The following ZRANB3 variants were observed in gnomAD, a reference collection of about 807,000 sequenced individuals.
The protein encoded by ZRANB3 is DNA annealing helicase and endonuclease ZRANB3.
A neutral mutation model predicts 133.8 loss-of-function variants in ZRANB3; 125 were observed. That is an observed-to-expected ratio of 0.93 (90% CI 0.81 to 1.08). The LOEUF (loss-of-function observed/expected upper bound fraction) is 1.08, where lower values mean the gene tolerates loss of function less well. Among genes scored for constraint, ZRANB3 ranks in the 50% least tolerant of loss-of-function variants. The probability of loss-of-function intolerance (pLI) is 0.00; values close to 1 mark genes in which losing one functional copy is unlikely to be tolerated. For synonymous variants in ZRANB3, 387 were observed against 432.7 expected, an observed-to-expected ratio of 0.89 and a Z score of 1.31; for missense variants, 1,229 against 1,275.5, an observed-to-expected ratio of 0.96 and a Z score of 0.56.
At chr2:135,275,792 A>G (rs749437668) in intron 8 of ZRANB3, 37 bp from the exon 9 acceptor site, 6 of 1,430,478 alleles carry the variant, frequency 4.2e-6, no homozygotes, top group Non-Finnish European at 5.6e-6. Flanking sequence ...AGTGTCATAA[A>G]AATGATTATT....
rs1694834439 is a variant in ZRANB3 at position 135,228,184 on chromosome 2, G to T, written c.1955-169C>A. 8.9e-6 allele frequency: 5 copies of T among 559,096 alleles called. No homozygotes were observed. In the Middle Eastern group the frequency reaches 1.5e-3, roughly 164 times the overall value. The allele number at this position is 559,096 out of a possible 1,614,324, so 34.6% of individuals were successfully genotyped here. A position where few individuals can be genotyped will look rare whatever the true frequency, so the allele number is the denominator to read the frequency against. On this transcript the variant is annotated intron_variant, in intron 13 of 20. Coordinates refer to ENST00000264159, the MANE Select transcript of ZRANB3 (RefSeq NM_032143.4). ...ACCCAGTACTATTCTAGATGCTGAA[G>T]AGACAGCAGGAACAGGACAGAGAAA... is the stretch of plus-strand genomic sequence containing the variant.
intron 12 of ZRANB3, among the ~76,000 whole-genome samples, chr2:135,264,482 A>G (rs1680123522): frequency 1.3e-5 from 2 of 151,766 alleles, no homozygotes; most frequent in South Asian, 2.1e-4. Context: ...AAAAAAAAAA[A>G]AAAAAGAAAA....
chr2:135,252,288 CCT>C (rs1388054435), intron 12 of ZRANB3, among the ~76,000 whole-genome samples: 1 of 152,038 alleles, frequency 6.6e-6, no homozygotes, highest in East Asian at 1.9e-4. Context: ...ACAACAAACC[CCT>C]GTGACACATG....
chr2:135,458,781 T>C (rs1428554266), intron 2 of ZRANB3, among the ~76,000 whole-genome samples: 1 of 152,132 alleles, frequency 6.6e-6, no homozygotes, highest in Non-Finnish European at 1.5e-5. Flanking sequence ...TATTTTTAAA[T>C]TGAGTTGTAG....
At chr2:135,340,408 C>T (rs1355802956) in intron 6 of ZRANB3, among the ~76,000 whole-genome samples, 2 of 151,940 alleles carry the variant, frequency 1.3e-5, no homozygotes, top group Non-Finnish European at 2.9e-5. Flanking sequence ...GCCCAACCCC[C>T]TTTTTTTAAT....
chr2:135,249,099 A>G (rs1349076436), intron 12 of ZRANB3, among the ~76,000 whole-genome samples: 1 of 152,232 alleles, frequency 6.6e-6, no homozygotes, highest in Non-Finnish European at 1.5e-5. Context: ...AAAAAATAAC[A>G]GATGTGGGCA....
chr2:135,469,928 C>A (rs547084848), intron 2 of ZRANB3, among the ~76,000 whole-genome samples: 1 of 149,922 alleles, frequency 6.7e-6, no homozygotes, highest in Admixed American at 6.6e-5. Flanking sequence ...AGGGGAATGG[C>A]GTGAACCCGG....
intron 2 of ZRANB3, among the ~76,000 whole-genome samples, chr2:135,502,722 T>A (rs1559041736): frequency 6.6e-6 from 1 of 152,196 alleles, no homozygotes; most frequent in Non-Finnish European, 1.5e-5. Context: ...TGTGACTGAA[T>A]CTTCAGGAAT....
At chr2:135,415,246 T>C (rs531683317) in intron 2 of ZRANB3, among the ~76,000 whole-genome samples, 2 of 150,892 alleles carry the variant, frequency 1.3e-5, no homozygotes, top group South Asian at 4.3e-4. Flanking sequence ...AAGAATCAAA[T>C]AGACGCAATA....
chr2:135,426,863 A>C (rs1288599554), intron 2 of ZRANB3, among the ~76,000 whole-genome samples: 1 of 15,538 alleles, frequency 6.4e-5, no homozygotes, highest in South Asian at 4.3e-3. Flanking sequence ...AAAAAAAAAA[A>C]ATATATATAT....
intron 8 of ZRANB3, among the ~76,000 whole-genome samples, chr2:135,309,896 G>A (rs188595601): frequency 3.7e-4 from 57 of 152,218 alleles, no homozygotes; most frequent in Middle Eastern, 6.8e-3. Flanking sequence ...ATATTGAAAA[G>A]GAATACAGTA....
intron 8 of ZRANB3, among the ~76,000 whole-genome samples, chr2:135,299,652 AAGAGACC>A (rs1682336024): frequency 6.6e-6 from 1 of 152,208 alleles, no homozygotes; most frequent in African/African-American, 2.4e-5. Context: ...CTATCTGAAA[AAGAGACC>A]TTGATAATCT....
chr2:135,204,918 A>G (rs1693797741), intron 19 of ZRANB3, among the ~76,000 whole-genome samples: 1 of 151,804 alleles, frequency 6.6e-6, no homozygotes, highest in Non-Finnish European at 1.5e-5. Flanking sequence ...GTTGCTTTCA[A>G]TGACCTTGAG....
chr2:135,294,064 T>G (rs942691904), intron 8 of ZRANB3, among the ~76,000 whole-genome samples: 6 of 152,050 alleles, frequency 3.9e-5, no homozygotes, highest in African/African-American at 1.4e-4. Flanking sequence ...TCTCATTTCT[T>G]TTGTGTCTCT....
intron 3 of ZRANB3, among the ~76,000 whole-genome samples, chr2:135,371,185 T>G (rs1250358939): frequency 6.6e-6 from 1 of 152,150 alleles, no homozygotes; most frequent in Non-Finnish European, 1.5e-5. Flanking sequence ...GAAAAGGAGG[T>G]TACAGGGTGG....
At position 135,200,227 on chromosome 2, in the gene ZRANB3, T is replaced by C; in HGVS notation, c.*115A>G. 1 of 818,584 alleles carries C rather than the reference T, an allele frequency of 1.2e-6. No homozygotes were observed. The highest frequency in any genetic ancestry group is 1.6e-5 in the South Asian group (1 of 62,342). 50.7% of individuals were successfully genotyped at this position (818,584 alleles called of 1,614,324 possible). On this transcript the variant is annotated 3_prime_UTR_variant, in exon 21 of 21. Transcript: ENST00000264159. ...AATTAGTAGAAGAGAATTTGAATTC[T>C]TGATTTTTGTTCTGAAAATTTTTAC...
At chr2:135,361,751 G>A (rs75048804) in intron 3 of ZRANB3, among the ~76,000 whole-genome samples, 20 of 152,188 alleles carry the variant, frequency 1.3e-4, no homozygotes, top group South Asian at 6.2e-4. Flanking sequence ...AAGAAAACCC[G>A]CATAAAGAAA....
intron 11 of ZRANB3, among the ~76,000 whole-genome samples, chr2:135,268,545 A>G (rs1432134836): frequency 1.3e-5 from 2 of 152,242 alleles, no homozygotes; most frequent in Admixed American, 1.3e-4. Context: ...GAGAGGACAG[A>G]GCAAGCAATG....
chr2:135,484,794 G>A (rs924724577), intron 2 of ZRANB3, among the ~76,000 whole-genome samples: 4 of 151,450 alleles, frequency 2.6e-5, no homozygotes, highest in African/African-American at 9.7e-5. Flanking sequence ...AGCACTTTGG[G>A]AGGCCAAAGT....
Sources: allele counts gnomAD v4.1 joint callset (sites outside exome capture counted in the v4.1 genomes callset), GRCh38; gene constraint gnomAD v4.1.1; transcripts MANE v1.5; gene names NCBI Gene and HGNC (gene_info 2026-07-23, HGNC 2026-07-21).